Variants in ABCD3 observed in about 807,000 individuals in gnomAD.
ABCD3 encodes ATP binding cassette subfamily D member 3, also known as ATP-binding cassette sub-family D member 3.
ABCD3 carries 41 observed loss-of-function variants against 105.5 expected under a neutral mutation model. The ratio of observed to expected loss-of-function variants is 0.39; its 90% CI spans 0.30 to 0.50. ABCD3 has a LOEUF of 0.50. ABCD3 is among the 20% of genes least tolerant of loss of function. The pLI is 0.84. For missense variants in ABCD3, 622 were observed against 806.3 expected (o/e 0.77, Z 2.77); for synonymous variants, 258 against 269.0 (o/e 0.96, Z 0.40).
chr1:94,455,639 T>G, intron 1 of ABCD3: 2 of 399,486 alleles, frequency 5.0e-6, no homozygotes, highest in Non-Finnish European at 9.8e-6. Context: ...ATTTTAATTG[T>G]CACAGACTGA....
At chr1:94,417,068 C>T (rs1659046915), upstream of ABCD3, among the ~76,000 whole-genome samples, 1 of 152,198 alleles carries the variant, frequency 6.6e-6, no homozygotes, top group Non-Finnish European at 1.5e-5. Context: ...TGCCTTTTCT[C>T]CTATTAATTT....
intron 21 of ABCD3, among the ~76,000 whole-genome samples, chr1:94,512,281 T>C (rs1650713444): frequency 6.6e-6 from 1 of 151,974 alleles, no homozygotes; most frequent in African/African-American, 2.4e-5. Flanking sequence ...CTAAATGATA[T>C]AGAAATTTTA....
chr1:94,513,974 A>G (rs2101071104), intron 21 of ABCD3: 1 of 152,202 alleles, frequency 6.6e-6, no homozygotes, highest in South Asian at 2.1e-4. Flanking sequence ...TTTATTTTAT[A>G]TCACTTTGGC....
At chr1:94,487,858 T>C (rs1264947118) in intron 12 of ABCD3, 34 bp from the exon 13 acceptor site, 1 of 1,606,938 alleles carries the variant, frequency 6.2e-7, no homozygotes, top group African/African-American at 1.3e-5. Context: ...GTCATAGAAC[T>C]ATAAGTAAAA....
At chr1:94,438,159 C>T (rs542083685) in intron 1 of ABCD3, among the ~76,000 whole-genome samples, 15 of 152,000 alleles carry the variant, frequency 9.9e-5, no homozygotes, top group Middle Eastern at 3.4e-3. Flanking sequence ...TGGTGGCATG[C>T]GCCTGTAGTC....
the ABCD3 span, among the ~76,000 whole-genome samples, chr1:94,396,627 G>T: frequency 6.6e-6 from 1 of 152,106 alleles, no homozygotes; most frequent in Admixed American, 6.5e-5. Context: ...GCGCACGTGC[G>T]TGTGTGTTTA....
chr1:94,514,264 G>T (rs1650823955), intron 21 of ABCD3: 1 of 151,946 alleles, frequency 6.6e-6, no homozygotes, highest in African/African-American at 2.4e-5. Flanking sequence ...TGCACTGGAG[G>T]ATGTTTAGAA....
the ABCD3 span, among the ~76,000 whole-genome samples, chr1:94,410,448 C>T: frequency 1.3e-5 from 2 of 152,130 alleles, no homozygotes; most frequent in African/African-American, 4.8e-5. Context: ...AAAATTCTCC[C>T]CTTCTCTTTT....
chr1:94,418,882 G>T (rs1659137575), intron 1 of ABCD3: 1 of 498,510 alleles, frequency 2.0e-6, no homozygotes, highest in South Asian at 2.3e-5. Context: ...TCCAGTTGGG[G>T]GTGGGAGGGG....
intron 1 of ABCD3, among the ~76,000 whole-genome samples, chr1:94,423,189 G>A (rs1348880221): frequency 6.6e-6 from 1 of 152,162 alleles, no homozygotes; most frequent in African/African-American, 2.4e-5. Context: ...GAAGGGTTAG[G>A]TCAGGGTCAC....
chr1:94,489,690 A>T, intron 13 of ABCD3, 35 bp from the exon 14 acceptor site: 1 of 1,412,006 alleles, frequency 7.1e-7, no homozygotes, highest in East Asian at 2.3e-5. Flanking sequence ...AATAGTCTGG[A>T]GTTTTGATTA....
At chr1:94,479,383 G>A (rs1221824109) in intron 8 of ABCD3, among the ~76,000 whole-genome samples, 2 of 149,922 alleles carry the variant, frequency 1.3e-5, no homozygotes, top group Non-Finnish European at 3.0e-5. Context: ...TTATCTTTTT[G>A]GTCCACATTT....
At chr1:94,465,528 C>T (rs1648095111) in intron 3 of ABCD3, among the ~76,000 whole-genome samples, 1 of 152,142 alleles carries the variant, frequency 6.6e-6, no homozygotes, top group Non-Finnish European at 1.5e-5. Flanking sequence ...TACTGCCATA[C>T]AGCTACCCTA....
chr1:94,386,777 C>T, the ABCD3 span, among the ~76,000 whole-genome samples: 1 of 152,192 alleles, frequency 6.6e-6, no homozygotes, highest in African/African-American at 2.4e-5. Flanking sequence ...ATTGCTTGAA[C>T]CCAAGAGGCG....
At chr1:94,493,961 G>A (rs1238604706) in intron 16 of ABCD3, among the ~76,000 whole-genome samples, 2 of 152,028 alleles carry the variant, frequency 1.3e-5, no homozygotes, top group African/African-American at 2.4e-5. Flanking sequence ...GGGTCCTGGG[G>A]GAGGGATAGC....
At chr1:94,429,658 G>A (rs1262203225) in intron 1 of ABCD3, among the ~76,000 whole-genome samples, 3 of 152,234 alleles carry the variant, frequency 2.0e-5, no homozygotes, top group African/African-American at 4.8e-5. Flanking sequence ...TTGAGCCTGC[G>A]AGTGCACAGA....
intron 4 of ABCD3, among the ~76,000 whole-genome samples, chr1:94,469,994 T>G (rs1053557875): frequency 1.3e-5 from 2 of 152,174 alleles, no homozygotes; most frequent in African/African-American, 4.8e-5. Flanking sequence ...CAATCACGTT[T>G]GAATTTGCTT....
At position 94,497,710 on chromosome 1, in the gene ABCD3, T is replaced by C. The variant is rs560937113; in HGVS notation, c.1387-892T>C. On this transcript the variant is annotated intron_variant, in intron 16 of 22. Transcript: ENST00000370214. ...TGGAATCTACAGAAACATTGCTTAC[T>C]GTTACATAAGTTGCTGACTTGTACA... 3.3e-5 allele frequency among the ~76,000 whole-genome samples: 5 copies of C among 152,366 alleles called. No individual in the cohort carries two copies. The South Asian group carries it at 1.0e-3, about 32-fold the overall frequency.
chr1:94,470,722 G>A (rs1648414549), intron 4 of ABCD3, among the ~76,000 whole-genome samples: 1 of 151,874 alleles, frequency 6.6e-6, no homozygotes, highest in East Asian at 1.9e-4. Context: ...GGAGCCTCTG[G>A]ACTGATGATC....
Sources: gnomAD v4.1 joint callset for allele counts (sites outside exome capture counted in the v4.1 genomes callset) on GRCh38, gnomAD v4.1.1 for gene constraint, MANE v1.5 for transcripts, NCBI Gene and HGNC (gene_info 2026-07-23, HGNC 2026-07-21) for gene names.